Variants in RBFOX2 observed in about 807,000 individuals in gnomAD.
The protein encoded by RBFOX2 is RNA binding fox-1 homolog 2, also known as RNA binding protein fox-1 homolog 2.
Under a neutral mutation model 49.1 loss-of-function variants are expected in RBFOX2, and 10 were observed. That is an observed-to-expected ratio of 0.20 (90% CI 0.13 to 0.35). The LOEUF (loss-of-function observed/expected upper bound fraction) is 0.35. Ranked by LOEUF, RBFOX2 falls within the 10% of genes least tolerant of loss-of-function variation. RBFOX2 has a pLI of 1.00. For synonymous variants in RBFOX2, 183 were observed against 187.4 expected (o/e 0.98, Z 0.19); for missense variants, 323 against 486.9 (o/e 0.66, Z 3.17).
chr22:35,835,310 G>T (rs2051579), intron 1 of RBFOX2, among the ~76,000 whole-genome samples: 37,167 of 151,986 alleles, frequency 0.24, 4,931 homozygotes, highest in East Asian at 0.3. Context: ...GGTAAGGGGG[G>T]GCTGTATCAC....
intron 1 of RBFOX2, among the ~76,000 whole-genome samples, chr22:35,818,086 T>C (rs1953561368): frequency 6.6e-6 from 1 of 152,146 alleles, no homozygotes; most frequent in Non-Finnish European, 1.5e-5. Context: ...GGAAAATAAA[T>C]ATTTCAGAAC....
In RBFOX2 at chr22:35,860,041, A is replaced by T. The variant is rs534599451; in HGVS notation, c.-33-50037T>A. 3.9e-5 allele frequency among the ~76,000 whole-genome samples: 6 copies of T among 152,332 alleles called. No homozygotes were observed. The South Asian group carries it at 1.2e-3, about 32-fold the overall frequency. On this transcript the variant is annotated intron_variant, in intron 1 of 13. Transcript: ENST00000359369. ...CTTTTTTCTCTCCATAATAACTTTT[A>T]TCTCAACTAACTCATAATACCTTTT...
intron 2 of RBFOX2, among the ~76,000 whole-genome samples, chr22:35,791,025 C>G (rs1318348078): frequency 6.6e-6 from 1 of 150,928 alleles, no homozygotes; most frequent in African/African-American, 2.4e-5. Context: ...AAAACAAACA[C>G]ACACACACAC....
intron 1 of RBFOX2, among the ~76,000 whole-genome samples, chr22:35,859,077 T>C (rs1192190475): frequency 6.6e-6 from 1 of 151,870 alleles, no homozygotes; most frequent in African/African-American, 2.4e-5. Flanking sequence ...GGAGAAAAAG[T>C]AGAAAATAAT....
At position 35,996,922 on chromosome 22, in the gene RBFOX2, A is replaced by G. The variant is rs1022807995; in HGVS notation, c.186+31318T>C. 2.6e-5 allele frequency: 4 copies of G among 151,020 alleles called. No individual in the cohort carries two copies. In the East Asian group the frequency reaches 7.8e-4, roughly 29 times the overall value. The allele number at this position is 151,020 out of a possible 1,614,324, so 9.4% of individuals were successfully genotyped here. The stretch of plus-strand genomic sequence containing the variant: ...AAAAAGATGTAGATCTCCACACATC[A>G]ATCCTGAGGTCCTGAAGAAAATGGT... On this transcript the variant is annotated intron_variant, in intron 1 of 13. Coordinates refer to the RBFOX2 transcript ENST00000438146.
intron 1 of RBFOX2, among the ~76,000 whole-genome samples, chr22:35,922,571 C>CAAA (rs879283014): frequency 8.0e-6 from 1 of 125,114 alleles, no homozygotes. Flanking sequence ...GACTCCATTT[C>CAAA]AAAAAAAAAA....
intron 1 of RBFOX2, among the ~76,000 whole-genome samples, chr22:35,921,060 T>C (rs1445066874): frequency 6.6e-6 from 1 of 152,254 alleles, no homozygotes; most frequent in Non-Finnish European, 1.5e-5. Flanking sequence ...ATTTAAAGAT[T>C]GCAACGCCTC....
chr22:36,001,219 ACACACACACACACAC>A lies in RBFOX2; in HGVS notation c.186+27006_186+27020del, dbSNP rs370023584. On this transcript the variant is annotated intron_variant, in intron 1 of 13. Transcript: ENST00000438146. ...CACACACACACACACACACACACAC[ACACACACACACACAC>A]TATATGTATATACATGTACACATAC... Among the ~76,000 whole-genome samples the A allele has an allele frequency of 4.1e-3, 613 of 148,074 alleles. 6 individuals are homozygous for A. Among genetic ancestry groups the A allele is most frequent in the African/African-American group, 0.013 (521 of 40,256 alleles).
chr22:35,793,955 T>C (rs542410282), intron 2 of RBFOX2, among the ~76,000 whole-genome samples: 24 of 152,340 alleles, frequency 1.6e-4, no homozygotes, highest in African/African-American at 5.5e-4. Context: ...ATTATCAGTG[T>C]CACGCTGTGA....
chr22:35,790,241 T>C lies in RBFOX2; in HGVS notation c.253-8495A>G, dbSNP rs534776455. Among the ~76,000 whole-genome samples, 10 of 152,326 alleles carry C rather than the reference T, an allele frequency of 6.6e-5. No homozygotes were observed. The South Asian group carries it at 1.0e-3, about 16-fold the overall frequency. ...GCTGACATGTATATTCTAGGAAACA[T>C]TGCTTGCTTTCAAAATAACTTTTAT... is the stretch of plus-strand genomic sequence containing the variant. On this transcript the variant is annotated intron_variant, in intron 2 of 11. Coordinates refer to ENST00000405409, the Ensembl canonical transcript of RBFOX2.
chr22:35,939,378 G>C (rs1946425602), upstream of RBFOX2, among the ~76,000 whole-genome samples: 1 of 152,112 alleles, frequency 6.6e-6, no homozygotes, highest in Admixed American at 6.6e-5. Context: ...ACCCAGAAAA[G>C]TTTTAGGTCT....
Position 35,852,006 on chromosome 22 carries a change from T to C in RBFOX2, c.-33-42002A>G, listed in dbSNP as rs529333703. ...ATATACAGTCAGCCCTCCTTATCCT[T>C]GGGTTACACATTTGTGAATTCAACC... is the stretch of plus-strand genomic sequence containing the variant. On this transcript the variant is annotated intron_variant, in intron 1 of 13. Coordinates refer to the RBFOX2 transcript ENST00000359369. Among the ~76,000 whole-genome samples, 12 of 152,238 alleles carry C rather than the reference T, an allele frequency of 7.9e-5. No homozygotes were observed. In the South Asian group the frequency reaches 2.3e-3, roughly 29 times the overall value.
At chr22:35,996,950 C>T (rs2058218668) in intron 1 of RBFOX2, 1 of 152,182 alleles carries the variant, frequency 6.6e-6, no homozygotes, top group Non-Finnish European at 1.5e-5. Context: ...AAAATGGTGA[C>T]TGACACCACA....
rs2058052308 is a variant in RBFOX2 at position 35,993,198 on chromosome 22, A to G, written c.186+35042T>C. 2.6e-5 allele frequency: 4 copies of G among 152,230 alleles called. No individual in the cohort carries two copies. The South Asian group carries it at 8.3e-4, about 31-fold the overall frequency. 9.4% of individuals were successfully genotyped at this position (152,230 alleles called of 1,614,324 possible). A position where few individuals can be genotyped will look rare whatever the true frequency, so the allele number is the denominator to read the frequency against. On this transcript the variant is annotated intron_variant, in intron 1 of 13. Coordinates refer to the RBFOX2 transcript ENST00000438146. Reference sequence around the variant, plus strand: ...GCGCCTCAAAAGGACCATTTTGATTACAGGTCAGAGTTTGCATCATCAAAA... The same window carrying G: ...GCGCCTCAAAAGGACCATTTTGATTGCAGGTCAGAGTTTGCATCATCAAAA...
chr22:35,920,928 A>G (rs772331799), intron 1 of RBFOX2, among the ~76,000 whole-genome samples: 2 of 152,246 alleles, frequency 1.3e-5, no homozygotes, highest in South Asian at 4.1e-4. Flanking sequence ...AGATAAAGTT[A>G]AATATATTAA....
chr22:35,778,725 C>T (rs753893837), intron 3 of RBFOX2, among the ~76,000 whole-genome samples: 18 of 152,052 alleles, frequency 1.2e-4, no homozygotes, highest in Admixed American at 6.5e-4. Context: ...TAACCTCTGC[C>T]TCCTGGATTC....
intron 1 of RBFOX2, among the ~76,000 whole-genome samples, chr22:35,944,458 A>C (rs1263477192): frequency 6.6e-6 from 1 of 152,250 alleles, no homozygotes; most frequent in Non-Finnish European, 1.5e-5. Context: ...TACCCAGAAT[A>C]TAGCACATAG....
chr22:35,984,613 T>C lies in RBFOX2; in HGVS notation c.186+43627A>G, dbSNP rs548718742. Among the ~76,000 whole-genome samples, 87 of 152,296 alleles carry C rather than the reference T, an allele frequency of 5.7e-4. 5 individuals are homozygous for C. The South Asian group carries it at 0.018, about 31-fold the overall frequency. On this transcript the variant is annotated intron_variant, in intron 1 of 13. Coordinates refer to the RBFOX2 transcript ENST00000438146. ...AGAGGGGAAAAAGCTATACTGAAGT[T>C]GGCTCAGAAACACATTTAGTTTCTC... is the stretch of plus-strand genomic sequence containing the variant.
At chr22:35,792,812 C>A (rs1470273982) in intron 2 of RBFOX2, among the ~76,000 whole-genome samples, 1 of 152,184 alleles carries the variant, frequency 6.6e-6, no homozygotes, top group East Asian at 1.9e-4. Context: ...TTTTTCCTTA[C>A]AATATTTTAC....
Sources: allele counts gnomAD v4.1 joint callset (sites outside exome capture counted in the v4.1 genomes callset), GRCh38; gene constraint gnomAD v4.1.1; transcripts MANE v1.5; gene names NCBI Gene and HGNC (gene_info 2026-07-23, HGNC 2026-07-21).